Variants in MLIP observed in about 807,000 individuals in gnomAD.
The protein encoded by MLIP is muscular LMNA interacting protein.
In MLIP, 79 loss-of-function variants were observed where a neutral mutation model predicts 84.8. That is an observed-to-expected ratio of 0.93 (90% CI 0.78 to 1.12). The LOEUF is 1.12. Among genes scored for constraint, MLIP ranks in the 50% most tolerant of loss-of-function variants. The probability of loss-of-function intolerance (pLI) is 0.00; values close to 1 mark genes in which losing one functional copy is unlikely to be tolerated. For synonymous variants in MLIP, 504 were observed against 463.0 expected (o/e 1.09, Z -1.14); for missense variants, 1,257 against 1,160.6 (o/e 1.08, Z -1.21).
intron 4 of MLIP, among the ~76,000 whole-genome samples, chr6:54,147,497 G>A (rs1772979157): frequency 1.3e-5 from 2 of 152,224 alleles, no homozygotes; most frequent in South Asian, 2.1e-4. Context: ...AGCAATTGCC[G>A]CTCATGTAGG....
At chr6:54,050,511 A>G (rs1205522739) in intron 1 of MLIP, among the ~76,000 whole-genome samples, 1 of 152,062 alleles carries the variant, frequency 6.6e-6, no homozygotes, top group Non-Finnish European at 1.5e-5. Context: ...ATTTGTCTGG[A>G]TAGTATTTTA....
chr6:54,219,871 T>C (rs532179715), intron 11 of MLIP, among the ~76,000 whole-genome samples: 2 of 152,324 alleles, frequency 1.3e-5, no homozygotes, highest in South Asian at 4.1e-4. Context: ...TTGTATCTTA[T>C]TGCACTATAT....
intron 12 of MLIP, among the ~76,000 whole-genome samples, chr6:54,241,335 TGTA>T (rs1781724328): frequency 6.6e-6 from 1 of 151,906 alleles, no homozygotes; most frequent in African/African-American, 2.4e-5. Context: ...TAGTATATAC[TGTA>T]ACCTATCTAG....
At chr6:54,215,556 C>T in intron 11 of MLIP, 1 of 262,508 alleles carries the variant, frequency 3.8e-6, no homozygotes, top group Non-Finnish European at 6.3e-6. Context: ...TAATGATTAC[C>T]ACAGTTAAAT....
intron 11 of MLIP, chr6:54,216,107 G>C (rs778801666): frequency 1.1e-5 from 11 of 966,884 alleles, no homozygotes; most frequent in Non-Finnish European, 1.4e-5. Flanking sequence ...TAATTGTTAA[G>C]AATGATACTG....
intron 12 of MLIP, among the ~76,000 whole-genome samples, chr6:54,251,905 A>G (rs540801988): frequency 1.3e-5 from 1 of 79,918 alleles, no homozygotes; most frequent in Admixed American, 2.1e-4. Flanking sequence ...ATATATTATA[A>G]CATATAATAT....
chr6:54,234,743 T>C (rs1039045803), intron 12 of MLIP, among the ~76,000 whole-genome samples: 1 of 152,200 alleles, frequency 6.6e-6, no homozygotes, highest in African/African-American at 2.4e-5. Context: ...GTTGATCATT[T>C]CCTCTTGCAT....
chr6:54,029,142 TTG>T (rs2150278473), intron 1 of MLIP: 1 of 152,332 alleles, frequency 6.6e-6, no homozygotes, highest in South Asian at 2.1e-4. Context: ...AATGCTGTAT[TTG>T]TGTTCGAAAA....
intron 9 of MLIP, among the ~76,000 whole-genome samples, chr6:54,170,286 A>G (rs1775641585): frequency 6.6e-6 from 1 of 151,750 alleles, no homozygotes; most frequent in Non-Finnish European, 1.5e-5. Context: ...ATTCCATTTA[A>G]GTTACACATT....
intron 4 of MLIP, among the ~76,000 whole-genome samples, chr6:54,144,298 C>T (rs556502988): frequency 6.6e-6 from 1 of 152,280 alleles, no homozygotes; most frequent in Non-Finnish European, 1.5e-5. Flanking sequence ...CATCTCTGCC[C>T]AGGAATGCTT....
intron 9 of MLIP, among the ~76,000 whole-genome samples, chr6:54,188,877 TG>T (rs953175399): frequency 2.0e-5 from 3 of 152,200 alleles, no homozygotes; most frequent in African/African-American, 7.2e-5. Flanking sequence ...TAATCAAATT[TG>T]AAGACAGAAG....
intron 1 of MLIP, among the ~76,000 whole-genome samples, chr6:54,105,496 T>A (rs1191653208): frequency 2.0e-5 from 3 of 152,200 alleles, no homozygotes; most frequent in Non-Finnish European, 1.5e-5. Flanking sequence ...ATTGAATGCC[T>A]TTACATGCCA....
At chr6:54,034,712 TA>T (rs1764330198) in intron 1 of MLIP, among the ~76,000 whole-genome samples, 1 of 152,106 alleles carries the variant, frequency 6.6e-6, no homozygotes, top group South Asian at 2.1e-4. Flanking sequence ...AAAATTAAAG[TA>T]AGCTAAGATT....
At chr6:54,070,160 T>C (rs1392440942) in intron 1 of MLIP, among the ~76,000 whole-genome samples, 2 of 152,224 alleles carry the variant, frequency 1.3e-5, no homozygotes, top group Non-Finnish European at 2.9e-5. Context: ...CTGATACCCA[T>C]GCACGACTGC....
At chr6:54,025,144 C>T (rs1021238272) in intron 1 of MLIP, among the ~76,000 whole-genome samples, 5 of 152,026 alleles carry the variant, frequency 3.3e-5, no homozygotes, top group Non-Finnish European at 7.4e-5. Context: ...CCGTTGCGCC[C>T]GGCCTGTAAC....
At chr6:54,231,481 GTGTC>G (rs58366646) in intron 12 of MLIP, among the ~76,000 whole-genome samples, 101,388 of 151,504 alleles carry the variant, frequency 0.67, 37,152 homozygotes, top group Non-Finnish European at 0.81. Context: ...GTGTGTGCGT[GTGTC>G]TGTCTGTCTG....
chr6:54,178,206 T>G (rs1041172599), intron 9 of MLIP, among the ~76,000 whole-genome samples: 4 of 152,094 alleles, frequency 2.6e-5, no homozygotes, highest in African/African-American at 9.7e-5. Context: ...AAACTTAAAA[T>G]AAAATAAAAT....
intron 1 of MLIP, among the ~76,000 whole-genome samples, chr6:54,051,286 T>A (rs1765360665): frequency 6.6e-6 from 1 of 151,996 alleles, no homozygotes; most frequent in Non-Finnish European, 1.5e-5. Flanking sequence ...TAGAGTGCTT[T>A]TTGAGTGCTT....
At chr6:54,127,972 C>T (rs1394285807) in intron 3 of MLIP, among the ~76,000 whole-genome samples, 2 of 152,032 alleles carry the variant, frequency 1.3e-5, no homozygotes, top group African/African-American at 4.8e-5. Context: ...CACAGTGATT[C>T]GTCTGAAAGA....
Sources: allele counts gnomAD v4.1 joint callset (sites outside exome capture counted in the v4.1 genomes callset), GRCh38; gene constraint gnomAD v4.1.1; transcripts MANE v1.5; gene names NCBI Gene and HGNC (gene_info 2026-07-23, HGNC 2026-07-21).